WDR27: variants seen among roughly 807,000 people sequenced by gnomAD.
WDR27 encodes WD repeat-containing protein 27.
In WDR27, 100 loss-of-function variants were observed where a neutral mutation model predicts 114.4. That is an observed-to-expected ratio of 0.87 (90% CI 0.74 to 1.03). The LOEUF (loss-of-function observed/expected upper bound fraction) is 1.03. Among genes scored for constraint, WDR27 ranks in the 50% least tolerant of loss-of-function variants. The pLI, the probability that WDR27 is intolerant of heterozygous loss-of-function variation, is 0.00. For synonymous variants in WDR27, 449 were observed against 423.1 expected (o/e 1.06, Z -0.75); for missense variants, 1,129 against 1,092.9 (o/e 1.03, Z -0.47).
intron 2 of WDR27, among the ~76,000 whole-genome samples, chr6:169,679,019 G>A (rs112396727): frequency 6.6e-6 from 1 of 152,148 alleles, no homozygotes; most frequent in African/African-American, 2.4e-5. Flanking sequence ...CAATCCTTTA[G>A]CTTAACCTGA....
Position 169,663,385 on chromosome 6 carries a change from A to G in WDR27, c.904+781T>C, listed in dbSNP as rs552573794. Among the ~76,000 whole-genome samples the G allele has an allele frequency of 2.0e-5, 3 of 152,336 alleles. No homozygotes were observed. The South Asian group carries it at 6.2e-4, about 32-fold the overall frequency. ...AAAACACAACCTAAAAGAAAGAATG[A>G]GTAACCAGAATGAGGAAGAGAGTGT... On this transcript the variant is annotated intron_variant, in intron 8 of 25. Coordinates refer to ENST00000448612, the MANE Select transcript of WDR27 (RefSeq NM_182552.5).
At chr6:169,581,018 C>G (rs1803312500) in intron 24 of WDR27, among the ~76,000 whole-genome samples, 1 of 148,184 alleles carries the variant, frequency 6.7e-6, no homozygotes, top group Non-Finnish European at 1.5e-5. Context: ...GTGATGTATA[C>G]GTATACATAA....
At chr6:169,541,901 TCTC>T (rs1486403173) in intron 25 of WDR27, among the ~76,000 whole-genome samples, 1 of 152,216 alleles carries the variant, frequency 6.6e-6, no homozygotes, top group East Asian at 1.9e-4. Flanking sequence ...TTCTAGGTGT[TCTC>T]CTCCTCTAGA....
intron 25 of WDR27, among the ~76,000 whole-genome samples, chr6:169,474,408 T>C (rs1225438972): frequency 6.6e-6 from 1 of 152,220 alleles, no homozygotes; most frequent in Non-Finnish European, 1.5e-5. Context: ...ATATGCAGTC[T>C]TTAACTAAAT....
Position 169,638,570 on chromosome 6 carries a change from G to A in WDR27, c.1838C>T (p.Ser613Leu), listed in dbSNP as rs764822337. Reference protein sequence around the residue: ...AARDGTLRMWSARGAELALLL... With the variant: ...AARDGTLRMWLARGAELALLL... ...CAGTGCGAGCTCTGCCCCACGAGCC[G>A]ACCACATTCGCAGGGTCCCGTCCCG... is the stretch of plus-strand genomic sequence containing the variant. Residue 613 changes from serine (S) to leucine (L), a missense_variant, in exon 18 of 26, where the codon TCG becomes TTG. Physicochemically the swap from Ser to Leu is moderately radical, Grantham distance 145 (BLOSUM62 -2). Transcript: ENST00000448612. 1.6e-5 allele frequency: 25 copies of A among 1,610,522 alleles called. No individual in the cohort carries two copies. Among genetic ancestry groups the A allele is most frequent in the African/African-American group, 6.7e-5 (5 of 74,846 alleles).
intron 25 of WDR27, among the ~76,000 whole-genome samples, chr6:169,550,654 C>T (rs1302407339): frequency 1.3e-5 from 2 of 151,956 alleles, no homozygotes; most frequent in African/African-American, 4.8e-5. Context: ...CTGCTAACCT[C>T]AAGTGATCCA....
At chr6:169,676,654 G>C (rs1357534619) in intron 2 of WDR27, among the ~76,000 whole-genome samples, 2 of 152,110 alleles carry the variant, frequency 1.3e-5, no homozygotes, top group Admixed American at 1.3e-4. Flanking sequence ...TGGGGACCTT[G>C]GTCTCCACGA....
chr6:169,643,756 G>T lies in WDR27; in HGVS notation c.1688C>A (p.Ala563Asp), dbSNP rs1554338063. ...GDGQWLACGL[A>D]NHLLLVFDAS... Reference sequence around the variant, plus strand: ...ATCAAAAACGAGTAACAGATGGTTGGCCAACCCACAGGCCAGCCACTGCCC... The same window carrying T: ...ATCAAAAACGAGTAACAGATGGTTGTCCAACCCACAGGCCAGCCACTGCCC... The change falls in exon 17 of 26, where the codon GCC becomes GAC. Residue 563 changes from alanine to aspartate, a missense_variant. Ala to Asp is a moderately radical substitution (Grantham distance 126, BLOSUM62 -2). Coordinates refer to ENST00000448612, the MANE Select transcript of WDR27 (RefSeq NM_182552.5). 7.7e-5 allele frequency: 125 copies of T among 1,613,512 alleles called. No individual in the cohort carries two copies. Among genetic ancestry groups the T allele is most frequent in the Non-Finnish European group, 1.1e-4 (124 of 1,179,684 alleles).
Position 169,665,669 on chromosome 6 carries a change from T to C in WDR27, c.713-113A>G, listed in dbSNP as rs550021698. On this transcript the variant is annotated intron_variant, in intron 6 of 25. Transcript: ENST00000448612. ...ACGTAATATTTACTTACAGTATTTC[T>C]GTTAGTCAAGTTTGAACTATTCCAA... 4 of 1,026,246 alleles carry C rather than the reference T, an allele frequency of 3.9e-6. No individual in the cohort carries two copies. In the African/African-American group the frequency reaches 4.9e-5, roughly 13 times the overall value. 63.6% of individuals were successfully genotyped at this position (1,026,246 alleles called of 1,614,324 possible). A position where few individuals can be genotyped will look rare whatever the true frequency, so the allele number is the denominator to read the frequency against.
chr6:169,558,021 G>C (rs1374561323), intron 25 of WDR27, among the ~76,000 whole-genome samples: 1 of 152,002 alleles, frequency 6.6e-6, no homozygotes, highest in Admixed American at 6.5e-5. Context: ...AGAACTATGA[G>C]AGCATAAATC....
chr6:169,621,454 A>G (rs1402583030), intron 21 of WDR27, among the ~76,000 whole-genome samples: 1 of 152,004 alleles, frequency 6.6e-6, no homozygotes, highest in East Asian at 1.9e-4. Context: ...GCACACATGC[A>G]CACACACATA....
intron 14 of WDR27, 22 bp from the exon 15 acceptor site, chr6:169,649,297 A>G (rs1201708743): frequency 1.3e-6 from 2 of 1,539,310 alleles, no homozygotes; most frequent in Non-Finnish European, 1.8e-6. Flanking sequence ...AAACTCTAAT[A>G]TCACTCTCAA....
chr6:169,691,658 TGTA>T (rs1379648346), intron 1 of WDR27, among the ~76,000 whole-genome samples: 2 of 152,280 alleles, frequency 1.3e-5, no homozygotes, highest in Admixed American at 1.3e-4. Context: ...AAACTTTTGT[TGTA>T]GTATAATTAT....
intron 25 of WDR27, among the ~76,000 whole-genome samples, chr6:169,488,981 T>G (rs995105676): frequency 7.2e-6 from 1 of 138,440 alleles, no homozygotes; most frequent in Non-Finnish European, 1.6e-5. Flanking sequence ...CTTAATCAAA[T>G]CCTTTGTAAA....
chr6:169,637,730 G>A (rs1215445938), intron 18 of WDR27, among the ~76,000 whole-genome samples: 1 of 152,210 alleles, frequency 6.6e-6, no homozygotes, highest in African/African-American at 2.4e-5. Flanking sequence ...TATTGCATGT[G>A]TGTGAATACG....
At chr6:169,643,891 G>C in intron 16 of WDR27, 105 bp from the exon 17 acceptor site, 1 of 810,510 alleles carries the variant, frequency 1.2e-6, no homozygotes, top group Non-Finnish European at 1.9e-6. Context: ...GAAAATCCCA[G>C]TTCATACAAG....
chr6:169,547,439 A>C (rs1252257521), intron 25 of WDR27, among the ~76,000 whole-genome samples: 4 of 152,234 alleles, frequency 2.6e-5, no homozygotes. Context: ...AAATATTAAT[A>C]AGTTGAATCC....
At chr6:169,491,838 A>G (rs1789807833) in intron 25 of WDR27, among the ~76,000 whole-genome samples, 1 of 152,246 alleles carries the variant, frequency 6.6e-6, no homozygotes, top group East Asian at 1.9e-4. Flanking sequence ...GATGAGAAAT[A>G]CTGCTGCAAA....
intron 17 of WDR27, among the ~76,000 whole-genome samples, chr6:169,642,307 C>G (rs1584827892): frequency 6.6e-6 from 1 of 151,832 alleles, no homozygotes; most frequent in South Asian, 2.1e-4. Flanking sequence ...GCCCTTCCCC[C>G]CCGCCCACAG....
Sources: gnomAD v4.1 joint callset for allele counts (sites outside exome capture counted in the v4.1 genomes callset) on GRCh38, gnomAD v4.1.1 for gene constraint, MANE v1.5 for transcripts, NCBI Gene and HGNC (gene_info 2026-07-23, HGNC 2026-07-21) for gene names.